The following SLC25A21 variants were observed in gnomAD, a reference collection of about 807,000 sequenced individuals.
SLC25A21 encodes solute carrier family 25 member 21.
SLC25A21 carries 47 observed loss-of-function variants against 43.8 expected under a neutral mutation model. That is an observed-to-expected ratio of 1.07 (90% CI 0.85 to 1.37). The LOEUF (loss-of-function observed/expected upper bound fraction) is 1.37. Ranked by LOEUF, SLC25A21 falls within the 40% of genes most tolerant of loss-of-function variation. The pLI is 0.00. For missense variants in SLC25A21, 352 were observed against 350.2 expected, an observed-to-expected ratio of 1.00 and a Z score of -0.04; for synonymous variants, 131 against 121.3, an observed-to-expected ratio of 1.08 and a Z score of -0.52.
chr14:36,778,881 CATT>C (rs578213288), intron 3 of SLC25A21, among the ~76,000 whole-genome samples: 8 of 152,222 alleles, frequency 5.3e-5, no homozygotes, highest in African/African-American at 1.9e-4. Flanking sequence ...GTATGCCATA[CATT>C]ATTAACTATA....
At chr14:37,119,870 C>G (rs1426414747) in intron 1 of SLC25A21, among the ~76,000 whole-genome samples, 5 of 152,074 alleles carry the variant, frequency 3.3e-5, no homozygotes, top group Non-Finnish European at 7.3e-5. Flanking sequence ...ACACTGTTCT[C>G]AGGTAGGGTG....
chr14:36,787,179 T>G (rs1887282171), intron 3 of SLC25A21, among the ~76,000 whole-genome samples: 1 of 151,828 alleles, frequency 6.6e-6, no homozygotes, highest in South Asian at 2.1e-4. Flanking sequence ...TTGGCAAGAG[T>G]AGCGGAGAGG....
intron 1 of SLC25A21, among the ~76,000 whole-genome samples, chr14:37,108,289 T>C (rs1962952164): frequency 6.6e-6 from 1 of 152,196 alleles, no homozygotes; most frequent in Non-Finnish European, 1.5e-5. Flanking sequence ...ATGAATTCAT[T>C]GCCCATGAGT....
intron 2 of SLC25A21, among the ~76,000 whole-genome samples, chr14:36,845,949 GGTTT>G (rs1889528139): frequency 6.6e-6 from 1 of 152,114 alleles, no homozygotes; most frequent in African/African-American, 2.4e-5. Flanking sequence ...AATGTTTGGG[GGTTT>G]GTTTGAGGGA....
chr14:36,711,024 G>A (rs1362458779), intron 7 of SLC25A21, among the ~76,000 whole-genome samples: 3 of 152,174 alleles, frequency 2.0e-5, no homozygotes, highest in Non-Finnish European at 4.4e-5. Flanking sequence ...TAAAGGGAAA[G>A]CACTCAGGTG....
intron 1 of SLC25A21, among the ~76,000 whole-genome samples, chr14:37,124,771 A>G (rs1425379352): frequency 6.6e-6 from 1 of 152,142 alleles, no homozygotes; most frequent in African/African-American, 2.4e-5. Context: ...CAGATTTCCC[A>G]CTTGGTGCTG....
chr14:37,155,491 C>G (rs958444195), intron 1 of SLC25A21, among the ~76,000 whole-genome samples: 1 of 152,116 alleles, frequency 6.6e-6, no homozygotes, highest in African/African-American at 2.4e-5. Context: ...ACATTATAAT[C>G]AGACTGTCTA....
chr14:36,896,467 A>C (rs1891241887), intron 1 of SLC25A21, among the ~76,000 whole-genome samples: 2 of 152,180 alleles, frequency 1.3e-5, no homozygotes, highest in African/African-American at 4.8e-5. Flanking sequence ...TGAATACAGC[A>C]TACTGATGGG....
intron 1 of SLC25A21, among the ~76,000 whole-genome samples, chr14:37,016,043 T>C (rs1156946661): frequency 6.6e-6 from 1 of 151,960 alleles, no homozygotes; most frequent in Non-Finnish European, 1.5e-5. Context: ...GCTCTTTAGT[T>C]TAATTAGATC....
At chr14:36,968,666 G>C (rs921803772) in intron 1 of SLC25A21, among the ~76,000 whole-genome samples, 19 of 152,052 alleles carry the variant, frequency 1.2e-4, no homozygotes, top group African/African-American at 4.6e-4. Flanking sequence ...TTTGTCTCCT[G>C]AGCTGCAGCT....
intron 7 of SLC25A21, among the ~76,000 whole-genome samples, chr14:36,688,275 C>T (rs893350671): frequency 6.0e-4 from 92 of 152,324 alleles, no homozygotes; most frequent in Non-Finnish European, 5.4e-4. Flanking sequence ...CCTCTACTCC[C>T]GAGATACTGT....
intron 3 of SLC25A21, among the ~76,000 whole-genome samples, chr14:36,784,572 C>A (rs1373434071): frequency 6.6e-6 from 1 of 152,152 alleles, no homozygotes; most frequent in Non-Finnish European, 1.5e-5. Context: ...CAGTTAAGAG[C>A]AGTAACCTTA....
chr14:37,027,237 T>A (rs1457070155), intron 1 of SLC25A21, among the ~76,000 whole-genome samples: 1 of 136,508 alleles, frequency 7.3e-6, no homozygotes, highest in African/African-American at 3.3e-5. Flanking sequence ...GGATAATGAC[T>A]TGACAGCTAA....
chr14:36,791,921 G>T (rs1887500257), intron 3 of SLC25A21, among the ~76,000 whole-genome samples: 1 of 152,036 alleles, frequency 6.6e-6, no homozygotes, highest in Non-Finnish European at 1.5e-5. Flanking sequence ...TCTATTTCTT[G>T]GTCTGAGTGC....
At chr14:36,768,319 C>A (rs1339619869) in intron 3 of SLC25A21, among the ~76,000 whole-genome samples, 2 of 152,118 alleles carry the variant, frequency 1.3e-5, no homozygotes, top group African/African-American at 4.8e-5. Flanking sequence ...AAGGGAGAAG[C>A]AATTGTGCCA....
At chr14:36,823,196 G>A (rs950415663) in intron 2 of SLC25A21, among the ~76,000 whole-genome samples, 1 of 152,040 alleles carries the variant, frequency 6.6e-6, no homozygotes, top group Admixed American at 6.6e-5. Flanking sequence ...ACAAGTCAGA[G>A]GCAAATGATC....
intron 3 of SLC25A21, among the ~76,000 whole-genome samples, chr14:36,764,036 A>AAG (rs35648476): frequency 0.023 from 591 of 25,618 alleles, 59 homozygotes; most frequent in East Asian, 0.14. Context: ...GAAAGAAAGA[A>AAG]AAAGAAAGAA....
At chr14:36,778,607 T>A (rs848125) in intron 3 of SLC25A21, among the ~76,000 whole-genome samples, 3 of 151,994 alleles carry the variant, frequency 2.0e-5, no homozygotes, top group Admixed American at 2.0e-4. Flanking sequence ...CCATTTTATT[T>A]ATTAGAATGG....
intron 7 of SLC25A21, among the ~76,000 whole-genome samples, chr14:36,699,833 G>A (rs1016056404): frequency 2.0e-5 from 3 of 152,120 alleles, no homozygotes; most frequent in African/African-American, 7.2e-5. Flanking sequence ...GGAGTGCCCC[G>A]TTTTTCCAGA....
Sources: allele counts gnomAD v4.1 joint callset (sites outside exome capture counted in the v4.1 genomes callset), GRCh38; gene constraint gnomAD v4.1.1; transcripts MANE v1.5; gene names NCBI Gene and HGNC (gene_info 2026-07-23, HGNC 2026-07-21).